SEC23A: variants seen among roughly 807,000 people sequenced by gnomAD.
The protein encoded by SEC23A is protein transport protein Sec23A.
A neutral mutation model predicts 103.7 loss-of-function variants in SEC23A; 56 were observed. The observed-to-expected ratio is 0.54, with a 90% CI of 0.44 to 0.67. The LOEUF is 0.67. Among genes scored for constraint, SEC23A ranks in the 30% least tolerant of loss-of-function variants. The probability of loss-of-function intolerance (pLI) is 0.00; values close to 1 mark genes in which losing one functional copy is unlikely to be tolerated. For synonymous variants in SEC23A, 281 were observed against 293.0 expected (o/e 0.96, Z 0.42); for missense variants, 784 against 936.4 (o/e 0.84, Z 2.12).
chr14:39,060,051 G>A (rs545031105), intron 13 of SEC23A, among the ~76,000 whole-genome samples: 5 of 151,904 alleles, frequency 3.3e-5, no homozygotes, highest in East Asian at 3.9e-4. Flanking sequence ...TTGGTATGTC[G>A]TTGTTTCCTT....
At chr14:39,059,662 C>A (rs944015891) in intron 13 of SEC23A, among the ~76,000 whole-genome samples, 4 of 152,270 alleles carry the variant, frequency 2.6e-5, no homozygotes, top group Admixed American at 1.3e-4. Context: ...TTTATATACA[C>A]ATTTTTTGCT....
At chr14:39,034,482 T>C (rs1885399573) in intron 19 of SEC23A, among the ~76,000 whole-genome samples, 1 of 152,352 alleles carries the variant, frequency 6.6e-6, no homozygotes, top group African/African-American at 2.4e-5. Flanking sequence ...TCTATATGCA[T>C]AGCTAACACA....
intron 14 of SEC23A, among the ~76,000 whole-genome samples, chr14:39,054,216 G>C (rs1477801087): frequency 6.6e-6 from 1 of 151,446 alleles, no homozygotes; most frequent in East Asian, 1.9e-4. Context: ...TCAAGGCTAT[G>C]ATGAGCCATG....
intron 13 of SEC23A, among the ~76,000 whole-genome samples, chr14:39,056,160 G>C (rs1203558811): frequency 6.6e-6 from 1 of 152,180 alleles, no homozygotes; most frequent in African/African-American, 2.4e-5. Context: ...TTTCAAACTA[G>C]TCAGCCCCCT....
chr14:39,064,696 A>C, intron 11 of SEC23A: 1 of 552,392 alleles, frequency 1.8e-6, no homozygotes, highest in Non-Finnish European at 3.2e-6. Flanking sequence ...TGCCACCCCA[A>C]GTTTTTATTG....
intron 7 of SEC23A, 77 bp downstream of exon 7, chr14:39,085,685 T>TACACACACACACACAC (rs202142857): frequency 2.1e-6 from 2 of 957,130 alleles, no homozygotes; most frequent in Non-Finnish European, 1.5e-6. Flanking sequence ...CTTATAATTA[T>TACACACACACACACAC]ATATACACAC....
intron 14 of SEC23A, among the ~76,000 whole-genome samples, chr14:39,051,168 C>A (rs1886045736): frequency 6.6e-6 from 1 of 152,144 alleles, no homozygotes; most frequent in Non-Finnish European, 1.5e-5. Flanking sequence ...AATATGTTTT[C>A]TTTTCCTTGA....
intron 6 of SEC23A, 149 bp from the exon 7 acceptor site, chr14:39,086,055 G>C (rs1887432827): frequency 1.4e-6 from 1 of 720,702 alleles, no homozygotes; most frequent in Non-Finnish European, 2.4e-6. Flanking sequence ...ATGAGAACCA[G>C]CTGGAGGGCT....
intron 1 of SEC23A, among the ~76,000 whole-genome samples, chr14:39,096,359 C>T (rs1467036504): frequency 6.6e-6 from 1 of 151,952 alleles, no homozygotes; most frequent in African/African-American, 2.4e-5. Context: ...GAAGAAACCC[C>T]GTCTCTACTA....
At chr14:39,093,792 AT>A (rs1022088751) in intron 2 of SEC23A, among the ~76,000 whole-genome samples, 39 of 152,112 alleles carry the variant, frequency 2.6e-4, no homozygotes, top group African/African-American at 9.4e-4. Flanking sequence ...TATACAGCAA[AT>A]ATCAATAAAA....
At chr14:39,051,418 T>G (rs1468198637) in intron 14 of SEC23A, among the ~76,000 whole-genome samples, 1 of 152,190 alleles carries the variant, frequency 6.6e-6, no homozygotes, top group African/African-American at 2.4e-5. Context: ...GTAGAATGTG[T>G]AGATTAGAAG....
chr14:39,083,404 C>T (rs1031298364), intron 7 of SEC23A, among the ~76,000 whole-genome samples: 1 of 151,932 alleles, frequency 6.6e-6, no homozygotes, highest in African/African-American at 2.4e-5. Flanking sequence ...CTTGAGCTGT[C>T]CCACCTATCT....
chr14:39,048,792 T>A, intron 14 of SEC23A, 63 bp from the exon 15 acceptor site: 2 of 857,640 alleles, frequency 2.3e-6, no homozygotes, highest in Non-Finnish European at 3.9e-6. Flanking sequence ...CTGTTGCCTA[T>A]AAATATTCTA....
chr14:39,064,386 A>C (rs1188159435), intron 11 of SEC23A, among the ~76,000 whole-genome samples: 1 of 152,222 alleles, frequency 6.6e-6, no homozygotes, highest in Non-Finnish European at 1.5e-5. Context: ...AATCTGGCTA[A>C]TTTGGTTACT....
At chr14:39,097,729 T>C (rs1048948145) in intron 1 of SEC23A, among the ~76,000 whole-genome samples, 4 of 152,128 alleles carry the variant, frequency 2.6e-5, no homozygotes, top group Admixed American at 6.5e-5. Context: ...TCAAAAAAGA[T>C]TGTGGTTTTT....
At chr14:39,080,514 TC>T (rs1331902445) in intron 7 of SEC23A, among the ~76,000 whole-genome samples, 2 of 152,132 alleles carry the variant, frequency 1.3e-5, no homozygotes, top group Non-Finnish European at 2.9e-5. Flanking sequence ...CAAGCAATTC[TC>T]CTGCCTCAGC....
At chr14:39,065,378 A>G (rs1206554441) in intron 10 of SEC23A, among the ~76,000 whole-genome samples, 1 of 152,002 alleles carries the variant, frequency 6.6e-6, no homozygotes, top group East Asian at 1.9e-4. Flanking sequence ...CTGCCACCAA[A>G]ATGTAAGCTA....
At chr14:39,064,578 G>T (rs990776831) in intron 11 of SEC23A, 3 of 209,154 alleles carry the variant, frequency 1.4e-5, no homozygotes, top group Non-Finnish European at 2.0e-5. Flanking sequence ...ATTAGGGATG[G>T]ATGGGAAAAG....
chr14:39,034,475 A>G (rs187437381), intron 19 of SEC23A, among the ~76,000 whole-genome samples: 1 of 152,362 alleles, frequency 6.6e-6, no homozygotes, highest in East Asian at 1.9e-4. Context: ...TCTTTATTCT[A>G]TATGCATAGC....
Sources: allele counts gnomAD v4.1 joint callset (sites outside exome capture counted in the v4.1 genomes callset), GRCh38; gene constraint gnomAD v4.1.1; transcripts MANE v1.5; gene names NCBI Gene and HGNC (gene_info 2026-07-23, HGNC 2026-07-21).